The following FAM234B variants were observed in gnomAD, a reference collection of about 807,000 sequenced individuals.
FAM234B encodes the protein family with sequence similarity 234 member B.
In FAM234B, 33 loss-of-function variants were observed where a neutral mutation model predicts 69.3. The observed-to-expected ratio is 0.48, with a 90% CI of 0.36 to 0.64. The LOEUF (loss-of-function observed/expected upper bound fraction) is 0.64. Ranked by LOEUF, FAM234B falls within the 30% of genes least tolerant of loss-of-function variation. The probability of loss-of-function intolerance (pLI) is 0.00; values close to 1 mark genes in which losing one functional copy is unlikely to be tolerated. For synonymous variants in FAM234B, 306 were observed against 306.9 expected (o/e 1.00, Z 0.03); for missense variants, 697 against 769.7 (o/e 0.91, Z 1.12).
chr12:13,048,718 G>T lies in FAM234B; in HGVS notation c.37+4278G>T, dbSNP rs145547376. On this transcript the variant is annotated intron_variant, in intron 1 of 12. Transcript: ENST00000197268. ...TACCTATCACTTGCTGTTTATCTGTGGGCCAATGTATTAGTCTGTTTTCAC... is the reference window on the plus strand; with the variant it reads ...TACCTATCACTTGCTGTTTATCTGTTGGCCAATGTATTAGTCTGTTTTCAC... Among the ~76,000 whole-genome samples, 554 of 152,152 alleles carry T rather than the reference G, an allele frequency of 3.6e-3. 1 individual carries two copies. The highest frequency in any genetic ancestry group is 6.7e-3 in the Non-Finnish European group (458 of 67,998).
At chr12:13,057,409 G>A (rs1333612485) in intron 2 of FAM234B, among the ~76,000 whole-genome samples, 1 of 151,304 alleles carries the variant, frequency 6.6e-6, no homozygotes, top group Non-Finnish European at 1.5e-5. Flanking sequence ...AATATCTCAT[G>A]ATTTATCCAT....
chr12:13,055,011 C>T (rs1402793284), intron 1 of FAM234B, among the ~76,000 whole-genome samples: 1 of 152,198 alleles, frequency 6.6e-6, no homozygotes, highest in African/African-American at 2.4e-5. Context: ...GATTTCAATA[C>T]ATCTTCAGAT....
chr12:13,053,042 T>C lies in FAM234B; in HGVS notation c.38-2509T>C, dbSNP rs572924002. Among the ~76,000 whole-genome samples, 200 of 152,332 alleles carry C rather than the reference T, an allele frequency of 1.3e-3. 1 individual carries two copies. The highest frequency in any genetic ancestry group is 4.6e-3 in the African/African-American group (192 of 41,578). On this transcript the variant is annotated intron_variant, in intron 1 of 12. Coordinates refer to ENST00000197268, the MANE Select transcript of FAM234B (RefSeq NM_020853.2). ...AAATTGTAGGAGATTATCTGGAACCTGTACTGACCCCATGGCATATTCTGA... is the reference window on the plus strand; with the variant it reads ...AAATTGTAGGAGATTATCTGGAACCCGTACTGACCCCATGGCATATTCTGA...
In FAM234B at chr12:13,067,349, GC is replaced by G; in HGVS notation, c.1142+55del. 6.3e-7 allele frequency: 1 copy of G among 1,596,844 alleles called. No individual in the cohort carries two copies. The highest frequency in any genetic ancestry group is 8.6e-7 in the Non-Finnish European group (1 of 1,165,954). On this transcript the variant is annotated intron_variant, in intron 7 of 12. Coordinates refer to ENST00000197268, the MANE Select transcript of FAM234B (RefSeq NM_020853.2). This position sits in a 1 kb window ranked among gnomAD's most constrained non-coding sequence, Gnocchi z 4.7. ...AGTGAGATCTCTTGTGAACTCACAT[GC>G]CTTTGAGTCTCTAAGTTTGGTTGGG... is the stretch of plus-strand genomic sequence containing the variant.
At chr12:13,048,647 A>G (rs1864839039) in intron 1 of FAM234B, among the ~76,000 whole-genome samples, 1 of 152,120 alleles carries the variant, frequency 6.6e-6, no homozygotes, top group South Asian at 2.1e-4. Flanking sequence ...CCACGGGATC[A>G]TATGTAGCCC....
intron 2 of FAM234B, among the ~76,000 whole-genome samples, chr12:13,056,789 CTT>C (rs1280500556): frequency 1.3e-5 from 2 of 152,186 alleles, no homozygotes; most frequent in Non-Finnish European, 2.9e-5. Flanking sequence ...TTCACAATCT[CTT>C]GTGTGTCCCT....
intron 10 of FAM234B, among the ~76,000 whole-genome samples, chr12:13,073,950 T>C (rs1241854843): frequency 1.3e-5 from 2 of 152,250 alleles, no homozygotes; most frequent in Non-Finnish European, 2.9e-5. Flanking sequence ...TCTGGGGCAT[T>C]GTCATCACAA....
chr12:13,067,063 C>G lies in FAM234B; in HGVS notation c.1001-92C>G. 1 of 1,469,364 alleles carries G rather than the reference C, an allele frequency of 6.8e-7. No individual in the cohort carries two copies. Among genetic ancestry groups the G allele is most frequent in the Non-Finnish European group, 9.4e-7 (1 of 1,062,520 alleles). 91.0% of individuals were successfully genotyped at this position (1,469,364 alleles called of 1,614,324 possible). ...TCTGGGCGGGCTCTGTTAGACCCAT[C>G]TGGTCAGGCTCTGTGTCTCTTGCTC... On this transcript the variant is annotated intron_variant, in intron 6 of 12. Transcript: ENST00000197268. This position sits in a 1 kb window ranked among gnomAD's most constrained non-coding sequence, Gnocchi z 4.7.
chr12:13,077,272 AT>A (rs1865172143), intron 11 of FAM234B, among the ~76,000 whole-genome samples: 1 of 151,980 alleles, frequency 6.6e-6, no homozygotes, highest in East Asian at 1.9e-4. Flanking sequence ...CATTTTTTAA[AT>A]TTTATTATTA....
At chr12:13,078,217 G>T (rs952332799) in intron 11 of FAM234B, among the ~76,000 whole-genome samples, 1 of 151,740 alleles carries the variant, frequency 6.6e-6, no homozygotes, top group African/African-American at 2.4e-5. Context: ...CATTTTGTAG[G>T]TTGCCTGTTC....
At position 13,081,322 on chromosome 12, in the gene FAM234B, T is replaced by C. The variant is rs902295246; in HGVS notation, c.*692T>C. ...TCTATTAAGTGACCACAAGAATAAC[T>C]ATATTCCTATCACAAGGGGAGCAAG... On this transcript the variant is annotated 3_prime_UTR_variant, in exon 13 of 13. Coordinates refer to ENST00000197268, the MANE Select transcript of FAM234B (RefSeq NM_020853.2). 1 of 152,264 alleles carries C rather than the reference T, an allele frequency of 6.6e-6. No homozygotes were observed. Among genetic ancestry groups the C allele is most frequent in the African/African-American group, 2.4e-5 (1 of 41,462 alleles). The allele number at this position is 152,264 out of a possible 1,614,324, so 9.4% of individuals were successfully genotyped here.
intron 11 of FAM234B, among the ~76,000 whole-genome samples, chr12:13,077,763 T>A (rs1479338721): frequency 6.6e-6 from 1 of 152,148 alleles, no homozygotes; most frequent in East Asian, 1.9e-4. Flanking sequence ...GCAGCATGAT[T>A]TATAGTCTTT....
At chr12:13,052,582 T>C (rs1229523521) in intron 1 of FAM234B, among the ~76,000 whole-genome samples, 1 of 152,192 alleles carries the variant, frequency 6.6e-6, no homozygotes, top group Non-Finnish European at 1.5e-5. Context: ...CTATACTTAC[T>C]CAGTAACAAC....
chr12:13,052,566 G>T (rs1329507909), intron 1 of FAM234B, among the ~76,000 whole-genome samples: 3 of 152,074 alleles, frequency 2.0e-5, no homozygotes, highest in Non-Finnish European at 4.4e-5. Flanking sequence ...TTGCAAAACT[G>T]AAACTCTATA....
chr12:13,083,140 G>A lies in FAM234B; in HGVS notation c.*2510G>A, dbSNP rs1320689603. The A allele has an allele frequency of 3.3e-5, 5 of 152,398 alleles. No homozygotes were observed. Among genetic ancestry groups the A allele is most frequent in the African/African-American group, 4.8e-5 (2 of 41,394 alleles). 9.4% of individuals were successfully genotyped at this position (152,398 alleles called of 1,614,324 possible). On this transcript the variant is annotated 3_prime_UTR_variant, in exon 13 of 13. Coordinates refer to ENST00000197268, the MANE Select transcript of FAM234B (RefSeq NM_020853.2). The stretch of plus-strand genomic sequence containing the variant: ...GCCACCCACCCAGGTGTCTAAGATA[G>A]GACATGCTCCTTTCTTTCTCTAATC...
At position 13,067,150 on chromosome 12, in the gene FAM234B, G is replaced by A. The variant is rs1162975485; in HGVS notation, c.1001-5G>A. On this transcript the variant is annotated splice_region_variant and splice_polypyrimidine_tract_variant and intron_variant, in intron 6 of 12. Coordinates refer to ENST00000197268, the MANE Select transcript of FAM234B (RefSeq NM_020853.2). The surrounding 1 kb of genome is among the most constrained non-coding windows in gnomAD (Gnocchi z 4.7). ...TTCTCAGTGTTGGTTCTTCTGTGGTGCTAGGAAATATACAAGCTGTCGCAC... is the reference window on the plus strand; with the variant it reads ...TTCTCAGTGTTGGTTCTTCTGTGGTACTAGGAAATATACAAGCTGTCGCAC... 1.1e-5 allele frequency: 18 copies of A among 1,613,954 alleles called. No homozygotes were observed. The highest frequency in any genetic ancestry group is 1.5e-5 in the Non-Finnish European group (18 of 1,179,870).
rs180968106 is a variant in FAM234B, at chr12:13,065,438, A to G, written c.853-1202A>G. On this transcript the variant is annotated intron_variant, in intron 5 of 12. Transcript: ENST00000197268. ...ATTTTATTTGTAGTATAATTAATAT[A>G]TCAACCTAAGGGAATTGTTTCTTAT... Among the ~76,000 whole-genome samples the G allele has an allele frequency of 2.6e-3, 397 of 152,322 alleles. 4 individuals carry two copies. Among genetic ancestry groups the G allele is most frequent in the African/African-American group, 9.1e-3 (378 of 41,568 alleles).
chr12:13,066,544 G>A (rs2120482980), intron 5 of FAM234B, 96 bp from the exon 6 acceptor site: 5 of 1,345,286 alleles, frequency 3.7e-6, no homozygotes, highest in Non-Finnish European at 5.0e-6. Flanking sequence ...TTCTGAGCCC[G>A]TGGCTTATGA....
chr12:13,057,706 CT>C (rs1864945654), intron 2 of FAM234B, among the ~76,000 whole-genome samples: 1 of 152,228 alleles, frequency 6.6e-6, no homozygotes, highest in East Asian at 1.9e-4. Flanking sequence ...TGAGTCCACA[CT>C]TTTGGGTGGT....
Sources: allele counts gnomAD v4.1 joint callset (sites outside exome capture counted in the v4.1 genomes callset), GRCh38; gene constraint gnomAD v4.1.1; non-coding constraint Gnocchi (gnomAD v3.1); transcripts MANE v1.5; gene names NCBI Gene and HGNC (gene_info 2026-07-23, HGNC 2026-07-21).